NFIB: variants seen among roughly 807,000 people sequenced by gnomAD.
The protein encoded by NFIB is nuclear factor 1 B-type.
A neutral mutation model predicts 61.5 loss-of-function variants in NFIB; 11 were observed. The observed-to-expected ratio is 0.18, with a 90% CI of 0.11 to 0.30. The LOEUF is 0.30. Among genes scored for constraint, NFIB ranks in the 10% least tolerant of loss-of-function variants. The pLI is 1.00. For missense variants in NFIB, 471 were observed against 608.9 expected (o/e 0.77, Z 2.38); for synonymous variants, 260 against 216.5 (o/e 1.20, Z -1.76).
chr9:14,191,584 A>G (rs147294258), intron 2 of NFIB, among the ~76,000 whole-genome samples: 1 of 152,178 alleles, frequency 6.6e-6, no homozygotes, highest in Non-Finnish European at 1.5e-5. Flanking sequence ...TTTAATAGAG[A>G]TTCAAATCAA....
chr9:14,328,744 T>C (rs777611644), intron 1 of NFIB, among the ~76,000 whole-genome samples: 7 of 152,116 alleles, frequency 4.6e-5, no homozygotes, highest in Non-Finnish European at 8.8e-5. Flanking sequence ...GGTCACAAAA[T>C]TGTGAAATTA....
chr9:14,294,049 T>TA (rs1187462356), intron 2 of NFIB, among the ~76,000 whole-genome samples: 1 of 152,240 alleles, frequency 6.6e-6, no homozygotes, highest in Non-Finnish European at 1.5e-5. Flanking sequence ...GCACATGTTT[T>TA]ATATTATACG....
intron 2 of NFIB, among the ~76,000 whole-genome samples, chr9:14,248,008 C>T (rs2055131169): frequency 6.6e-6 from 1 of 150,938 alleles, no homozygotes; most frequent in Admixed American, 6.6e-5. Context: ...TCAAAGCTCA[C>T]TGTAACTCTG....
intron 6 of NFIB, among the ~76,000 whole-genome samples, chr9:14,132,192 G>A (rs954294245): frequency 1.3e-5 from 2 of 152,136 alleles, no homozygotes; most frequent in African/African-American, 4.8e-5. Flanking sequence ...CCAGTCCTAT[G>A]ATTTAGTCCT....
At chr9:14,433,219 C>T in the NFIB span, among the ~76,000 whole-genome samples, 16 of 152,218 alleles carry the variant, frequency 1.1e-4, no homozygotes, top group Middle Eastern at 3.4e-3. Context: ...CACATTAATT[C>T]GACATTTAAC....
At chr9:14,377,161 C>T (rs567976700) in intron 1 of NFIB, among the ~76,000 whole-genome samples, 31 of 152,312 alleles carry the variant, frequency 2.0e-4, no homozygotes, top group Middle Eastern at 3.4e-3. Flanking sequence ...CATACACATA[C>T]CCACAATGCA....
At chr9:14,266,172 G>T (rs1161504755) in intron 2 of NFIB, among the ~76,000 whole-genome samples, 1 of 152,194 alleles carries the variant, frequency 6.6e-6, no homozygotes, top group South Asian at 2.1e-4. Context: ...AGCTCCACTG[G>T]CTTCTAAGTC....
rs71491637 is a variant in NFIB at position 14,187,027 on chromosome 9, A to ATGTGTGTG, written c.563-7255_563-7248dup. Among the ~76,000 whole-genome samples, 363 of 60,980 alleles carry ATGTGTGTG rather than the reference A, an allele frequency of 6.0e-3. 4 individuals are homozygous for ATGTGTGTG. Among genetic ancestry groups the ATGTGTGTG allele is most frequent in the Admixed American group, 0.024 (150 of 6,150 alleles). The allele number at this position is 60,980 out of a possible 152,430, so 40.0% of individuals were successfully genotyped here. A position where few individuals can be genotyped will look rare whatever the true frequency, so the allele number is the denominator to read the frequency against. ...CTCCTGTGTGTGTGTGTGTGTGTGT[A>ATGTGTGTG]TGTGTGTGTGTGTGTGTGTGTGTGT... is the stretch of plus-strand genomic sequence containing the variant. On this transcript the variant is annotated intron_variant, in intron 2 of 10. Coordinates refer to ENST00000380953, the MANE Select transcript of NFIB (RefSeq NM_001190737.2).
rs1178045071 is a variant in NFIB at position 14,182,706 on chromosome 9, CTCTG to C, written c.563-2930_563-2927del. Among the ~76,000 whole-genome samples the C allele has an allele frequency of 2.8e-4, 35 of 124,854 alleles. No homozygotes were observed. In the South Asian group the frequency reaches 3.4e-3, roughly 12 times the overall value. 81.9% of individuals were successfully genotyped at this position (124,854 alleles called of 152,430 possible). On this transcript the variant is annotated intron_variant, in intron 2 of 10. Transcript: ENST00000380953. ...CACCTCTCTCTCTCTCTCTCTCTCT[CTCTG>C]TGTGTGTGTGTGTGTGTGTGTGTGT...
the NFIB span, among the ~76,000 whole-genome samples, chr9:14,487,140 G>C: frequency 2.6e-5 from 4 of 152,042 alleles, no homozygotes; most frequent in Non-Finnish European, 4.4e-5. Flanking sequence ...TTCCAATTTT[G>C]GGTAATTACA....
intron 2 of NFIB, among the ~76,000 whole-genome samples, chr9:14,296,212 A>G (rs1298242688): frequency 6.6e-6 from 1 of 152,120 alleles, no homozygotes; most frequent in Non-Finnish European, 1.5e-5. Context: ...ATTTTCCTTC[A>G]TATATAGTAG....
chr9:14,318,509 T>A (rs1355661842), upstream of NFIB, among the ~76,000 whole-genome samples: 1 of 145,198 alleles, frequency 6.9e-6, no homozygotes, highest in Non-Finnish European at 1.5e-5. Context: ...CGATGCCTTT[T>A]TTTTTTTTTT....
chr9:14,262,057 C>A (rs1416597941), intron 2 of NFIB, among the ~76,000 whole-genome samples: 4 of 152,048 alleles, frequency 2.6e-5, no homozygotes, highest in Admixed American at 2.6e-4. Context: ...GGTTTCTGAG[C>A]CCTGACACTA....
intron 1 of NFIB, chr9:14,322,184 CA>C: frequency 8.9e-7 from 1 of 1,125,166 alleles, no homozygotes; most frequent in Non-Finnish European, 1.1e-6. Flanking sequence ...AAAAGGCGGT[CA>C]AAGTCAAGTC....
intron 10 of NFIB, among the ~76,000 whole-genome samples, chr9:14,095,688 A>G (rs1394966152): frequency 6.6e-6 from 1 of 152,196 alleles, no homozygotes; most frequent in Non-Finnish European, 1.5e-5. Context: ...TCTTTTATAA[A>G]TGATTTTCAG....
intron 1 of NFIB, among the ~76,000 whole-genome samples, chr9:14,321,096 G>A (rs1373353670): frequency 2.6e-5 from 4 of 152,060 alleles, no homozygotes; most frequent in South Asian, 2.1e-4. Context: ...TGGCTTCCCC[G>A]CCCCCTTCAA....
chr9:14,136,658 T>C, intron 6 of NFIB, among the ~76,000 whole-genome samples: 1 of 152,182 alleles, frequency 6.6e-6, no homozygotes, highest in East Asian at 1.9e-4. Flanking sequence ...AACTGATGTG[T>C]TACTTTAGTG....
chr9:14,315,554 C>CGG, upstream of NFIB, among the ~76,000 whole-genome samples: 1 of 142,672 alleles, frequency 7.0e-6, no homozygotes, highest in South Asian at 2.2e-4. Context: ...GGCGGGCCGG[C>CGG]GGGCGCGCGC....
the NFIB span, among the ~76,000 whole-genome samples, chr9:14,441,726 C>T: frequency 2.0e-5 from 3 of 151,982 alleles, no homozygotes; most frequent in Admixed American, 1.3e-4. Context: ...GTGAATGGGC[C>T]GTGGAAGAGA....
Sources: gnomAD v4.1 joint callset for allele counts (sites outside exome capture counted in the v4.1 genomes callset) on GRCh38, gnomAD v4.1.1 for gene constraint, MANE v1.5 for transcripts, NCBI Gene and HGNC (gene_info 2026-07-23, HGNC 2026-07-21) for gene names.